PKD2L1: variants seen among roughly 807,000 people sequenced by gnomAD.
PKD2L1 encodes the protein polycystin 2 like 1, transient receptor potential cation channel.
Under a neutral mutation model 93.0 loss-of-function variants are expected in PKD2L1, and 77 were observed. The ratio of observed to expected loss-of-function variants is 0.83; its 90% CI spans 0.69 to 1.00. PKD2L1 has a LOEUF of 1.00. PKD2L1 is among the 50% of genes least tolerant of loss of function. The pLI, the probability that PKD2L1 is intolerant of heterozygous loss-of-function variation, is 0.00. For synonymous variants in PKD2L1, 390 were observed against 388.0 expected (o/e 1.01, Z -0.06); for missense variants, 977 against 990.9 (o/e 0.99, Z 0.19).
intron 2 of PKD2L1, among the ~76,000 whole-genome samples, chr10:100,311,473 G>A (rs1172359074): frequency 6.6e-6 from 1 of 152,108 alleles, no homozygotes; most frequent in African/African-American, 2.4e-5. Context: ...ATGAGCTTGG[G>A]TAATAACCAA....
chr10:100,311,405 C>T (rs1214259789), intron 2 of PKD2L1, among the ~76,000 whole-genome samples: 1 of 152,108 alleles, frequency 6.6e-6, no homozygotes, highest in African/African-American at 2.4e-5. Flanking sequence ...ATAGGTGGGG[C>T]ATAAATGTAT....
chr10:100,297,540 G>C lies in PKD2L1; in HGVS notation c.798C>G (p.Ser266Arg). 1 of 1,614,054 alleles carries C rather than the reference G, an allele frequency of 6.2e-7. No individual in the cohort carries two copies. Among genetic ancestry groups the C allele is most frequent in the Non-Finnish European group, 8.5e-7 (1 of 1,180,004 alleles). Residue 266 changes from serine to arginine, a missense_variant, in exon 5 of 16, where the codon AGC (serine) becomes AGG (arginine). Coordinates refer to ENST00000318222, the MANE Select transcript of PKD2L1 (RefSeq NM_016112.3). ...GAAGGTCCAGGTAGTAGCCACCTCC[G>C]CTGTAGCTTGTGAGCCTGCCCCAGT... The part of the protein sequence containing the change: ...FSHWGRLTSY[S>R]GGGYYLDLPG...
chr10:100,318,265 A>G (rs1337999355), intron 2 of PKD2L1, among the ~76,000 whole-genome samples: 3 of 152,154 alleles, frequency 2.0e-5, no homozygotes, highest in African/African-American at 7.2e-5. Context: ...CATAGTTTTC[A>G]AAGAGTTTTC....
At chr10:100,306,681 C>T (rs527551413) in intron 2 of PKD2L1, among the ~76,000 whole-genome samples, 4 of 151,534 alleles carry the variant, frequency 2.6e-5, no homozygotes, top group South Asian at 2.1e-4. Context: ...GGCAACATGG[C>T]GAAACTCTTT....
At chr10:100,320,966 A>G (rs1453061765) in intron 2 of PKD2L1, among the ~76,000 whole-genome samples, 1 of 152,250 alleles carries the variant, frequency 6.6e-6, no homozygotes, top group Non-Finnish European at 1.5e-5. Flanking sequence ...AGCTGCAGCT[A>G]TAGATACATT....
chr10:100,297,247 C>G (rs371864397), intron 5 of PKD2L1, 39 bp from the exon 6 acceptor site: 1 of 1,593,644 alleles, frequency 6.3e-7, no homozygotes, highest in Non-Finnish European at 8.6e-7. Context: ...GTGGAGCCTT[C>G]GCTGGGACGG....
At chr10:100,329,478 A>T (rs1849455968) in intron 1 of PKD2L1, 154 bp from the exon 2 acceptor site, 2 of 1,012,972 alleles carry the variant, frequency 2.0e-6, no homozygotes, top group East Asian at 2.6e-5. Context: ...CTGTACCCAC[A>T]CCCATGCTTG....
At chr10:100,323,662 C>G (rs1483507565) in intron 2 of PKD2L1, among the ~76,000 whole-genome samples, 2 of 152,160 alleles carry the variant, frequency 1.3e-5, no homozygotes, top group Non-Finnish European at 1.5e-5. Flanking sequence ...TCCATCATCT[C>G]AAATGTTTCT....
intron 2 of PKD2L1, among the ~76,000 whole-genome samples, chr10:100,302,266 C>CGCAT: frequency 8.2e-6 from 1 of 121,940 alleles, no homozygotes; most frequent in Non-Finnish European, 1.6e-5. Flanking sequence ...TACACACACA[C>CGCAT]ACACACACAC....
At chr10:100,288,741 G>A (rs962878863) in intron 15 of PKD2L1, among the ~76,000 whole-genome samples, 4 of 152,178 alleles carry the variant, frequency 2.6e-5, no homozygotes, top group Admixed American at 1.3e-4. Context: ...AGTGGAAGAC[G>A]TTATTTCACA....
In PKD2L1 at chr10:100,296,167, CTG is replaced by C; in HGVS notation, c.1309_1310del (p.Gln437ValfsTer70). On this transcript the variant is annotated frameshift_variant, in exon 7 of 16. Transcript: ENST00000318222. LOFTEE classifies it high-confidence loss of function. ...DFEFLAFWQT[Q>X]YNNMNAVNLF... ...GGTTGACAGCATTCATGTTGTTGTA[CTG>C]TGTCTGCCAGAAGGCGAGGAACTCA... 2 of 1,612,400 alleles carry C rather than the reference CTG, an allele frequency of 1.2e-6. No homozygotes were observed. Among genetic ancestry groups the C allele is most frequent in the African/African-American group, 1.3e-5 (1 of 74,946 alleles).
intron 2 of PKD2L1, among the ~76,000 whole-genome samples, chr10:100,326,485 G>A (rs1003055645): frequency 5.3e-5 from 8 of 152,086 alleles, no homozygotes; most frequent in Admixed American, 1.3e-4. Flanking sequence ...TTTTAGCTCC[G>A]ATATCACTTC....
intron 2 of PKD2L1, 27 bp from the exon 3 acceptor site, chr10:100,299,745 C>T: frequency 6.2e-7 from 1 of 1,610,464 alleles, no homozygotes; most frequent in Non-Finnish European, 8.5e-7. Flanking sequence ...GAGGCTATGT[C>T]CTTCTCACTG....
At chr10:100,316,541 TTGAA>T (rs1239403151) in intron 2 of PKD2L1, among the ~76,000 whole-genome samples, 2 of 152,358 alleles carry the variant, frequency 1.3e-5, no homozygotes, top group East Asian at 3.9e-4. Context: ...TCATAAATGT[TTGAA>T]TGAATGAATG....
intron 1 of PKD2L1, among the ~76,000 whole-genome samples, chr10:100,329,538 T>C (rs1589687968): frequency 1.3e-5 from 2 of 152,288 alleles, no homozygotes; most frequent in Non-Finnish European, 2.9e-5. Flanking sequence ...CCCTGGCTTG[T>C]AGAGAATGAA....
chr10:100,315,091 G>A (rs1251858317), intron 2 of PKD2L1, among the ~76,000 whole-genome samples: 1 of 94,676 alleles, frequency 1.1e-5, no homozygotes, highest in African/African-American at 4.1e-5. Context: ...GAAGGGAAGG[G>A]AAGGGAAGGG....
intron 2 of PKD2L1, among the ~76,000 whole-genome samples, chr10:100,316,153 CAGA>C (rs1849096916): frequency 6.6e-6 from 1 of 152,132 alleles, no homozygotes; most frequent in Admixed American, 6.5e-5. Flanking sequence ...TCCTTGAAGG[CAGA>C]AGATGTGTCT....
chr10:100,291,568 C>T, intron 11 of PKD2L1, 141 bp from the exon 12 acceptor site: 1 of 760,324 alleles, frequency 1.3e-6, no homozygotes. Context: ...CAATCTTACC[C>T]CCAGGAAAAC....
At chr10:100,329,143 T>C in intron 2 of PKD2L1, 68 bp downstream of exon 2, 2 of 1,483,828 alleles carry the variant, frequency 1.3e-6, no homozygotes, top group Non-Finnish European at 1.9e-6. Context: ...CACAGGAATG[T>C]TTATACATAT....
Sources: gnomAD v4.1 joint callset for allele counts (sites outside exome capture counted in the v4.1 genomes callset) on GRCh38, gnomAD v4.1.1 for gene constraint, MANE v1.5 for transcripts, NCBI Gene and HGNC (gene_info 2026-07-23, HGNC 2026-07-21) for gene names.